The following RAPH1 variants were observed in gnomAD, a reference collection of about 807,000 sequenced individuals.
RAPH1 encodes Ras association (RalGDS/AF-6) and pleckstrin homology domains 1.
A neutral mutation model predicts 88.1 loss-of-function variants in RAPH1; 18 were observed. The ratio of observed to expected loss-of-function variants is 0.20; its 90% CI spans 0.14 to 0.30. The LOEUF is 0.30. Ranked by LOEUF, RAPH1 falls within the 10% of genes least tolerant of loss-of-function variation. The pLI is 1.00. For synonymous variants in RAPH1, 587 were observed against 559.0 expected (o/e 1.05, Z -0.71); for missense variants, 1,448 against 1,543.2 (o/e 0.94, Z 1.03).
intron 1 of RAPH1, among the ~76,000 whole-genome samples, chr2:203,523,689 T>C (rs1439304385): frequency 6.6e-6 from 1 of 152,060 alleles, no homozygotes; most frequent in Non-Finnish European, 1.5e-5. Flanking sequence ...ATATAAAAAC[T>C]TCTGCTCTTT....
intron 13 of RAPH1, chr2:203,443,423 T>C (rs1559445432): frequency 1.3e-5 from 2 of 152,300 alleles, no homozygotes; most frequent in East Asian, 1.9e-4. Context: ...TGATGTCTGA[T>C]AGAAGGCCAT....
intron 4 of RAPH1, among the ~76,000 whole-genome samples, chr2:203,471,205 A>T (rs569833241): frequency 5.9e-5 from 9 of 152,320 alleles, no homozygotes; most frequent in South Asian, 4.1e-4. Context: ...ATCACCATTT[A>T]AAAAAATGTA....
chr2:203,497,027 C>A (rs1214254900), intron 1 of RAPH1, among the ~76,000 whole-genome samples: 1 of 152,146 alleles, frequency 6.6e-6, no homozygotes, highest in Non-Finnish European at 1.5e-5. Flanking sequence ...TTCCAAAACT[C>A]AAGTGTTGCC....
rs767200563 is a variant in RAPH1 at position 203,439,644 on chromosome 2, G to A, written c.3546C>T (p.Gly1182=). ...CTCTGGACATGCGGGAGGAGAGTGA[G>A]CCGTGCCGAGTGATGGACTTTCGTT... ...TLQRKSITRH[G]SLSSRMSRAE... Residue 1182 remains glycine (G), a synonymous_variant, in exon 14 of 14, where the codon GGC becomes GGT. Transcript: ENST00000319170. 3 of 1,614,150 alleles carry A rather than the reference G, an allele frequency of 1.9e-6. No individual in the cohort carries two copies. The highest frequency in any genetic ancestry group is 2.5e-6 in the Non-Finnish European group (3 of 1,180,026).
intron 1 of RAPH1, among the ~76,000 whole-genome samples, chr2:203,517,649 G>T (rs1689677288): frequency 6.6e-6 from 1 of 151,942 alleles, no homozygotes; most frequent in Admixed American, 6.6e-5. Flanking sequence ...TAACATAATA[G>T]AAACCATATA....
At chr2:203,515,032 C>G (rs1689532253) in intron 1 of RAPH1, among the ~76,000 whole-genome samples, 2 of 152,118 alleles carry the variant, frequency 1.3e-5, no homozygotes, top group Admixed American at 6.6e-5. Flanking sequence ...AATCCCCAAC[C>G]CTGTGTGCAT....
intron 13 of RAPH1, chr2:203,442,192 A>T: frequency 8.9e-7 from 1 of 1,118,334 alleles, no homozygotes; most frequent in Non-Finnish European, 1.2e-6. Context: ...GCTAGAATAA[A>T]GAAAATGTAT....
intron 1 of RAPH1, among the ~76,000 whole-genome samples, chr2:203,506,745 T>G (rs190352900): frequency 0.11 from 12,187 of 109,870 alleles, 923 homozygotes; most frequent in East Asian, 0.13. Context: ...TATATATCTA[T>G]ATATATATAT....
chr2:203,500,127 G>A (rs1389370481), intron 1 of RAPH1, among the ~76,000 whole-genome samples: 1 of 152,116 alleles, frequency 6.6e-6, no homozygotes, highest in East Asian at 1.9e-4. Context: ...TGTCCTCAAG[G>A]AACATATAAT....
chr2:203,440,883 G>A lies in RAPH1; in HGVS notation c.2307C>T (p.Ile769=), dbSNP rs199700302. ...GAGCTTGGGGAGGGAGGGGTGCAGG[G>A]ATAGGAGGAGGTGGGGGGGGTGTTG... ...APPTPPPPPP[I]PAPLPPQAPP... The change falls in exon 14 of 14, where the codon ATC becomes ATT. Residue 769 remains isoleucine (I), a synonymous_variant. Transcript: ENST00000319170. 2 of 732,486 alleles carry A rather than the reference G, an allele frequency of 2.7e-6. No homozygotes were observed. The highest frequency in any genetic ancestry group is 5.3e-5 in the East Asian group (1 of 18,974). 45.4% of individuals were successfully genotyped at this position (732,486 alleles called of 1,614,324 possible).
Position 203,437,182 on chromosome 2 carries a change from ATAAAGGCTGT to A in RAPH1, c.*2245_*2254del, listed in dbSNP as rs2098499189. 1.3e-5 allele frequency: 2 copies of A among 152,222 alleles called. No homozygotes were observed. The highest frequency in any genetic ancestry group is 4.1e-4 in the South Asian group (2 of 4,824). 9.4% of individuals were successfully genotyped at this position (152,222 alleles called of 1,614,324 possible). ...TTCCAAGAAATCCTGCACTGAAAAC[ATAAAGGCTGT>A]TGTTTTAGGGCTCAAATCATGGGTG... On this transcript the variant is annotated 3_prime_UTR_variant, in exon 14 of 14. Coordinates refer to ENST00000319170, the MANE Select transcript of RAPH1 (RefSeq NM_213589.3).
intron 1 of RAPH1, among the ~76,000 whole-genome samples, chr2:203,528,311 A>C (rs993827415): frequency 2.6e-5 from 4 of 152,218 alleles, no homozygotes; most frequent in African/African-American, 9.6e-5. Context: ...CTAAGAACAG[A>C]GAAGCCATTT....
At chr2:203,513,008 G>A (rs940180755) in intron 1 of RAPH1, among the ~76,000 whole-genome samples, 1 of 152,126 alleles carries the variant, frequency 6.6e-6, no homozygotes, top group African/African-American at 2.4e-5. Context: ...AAGTGTGAAT[G>A]AGTAAAAACA....
At chr2:203,497,641 T>C (rs1581363863) in intron 1 of RAPH1, among the ~76,000 whole-genome samples, 1 of 152,258 alleles carries the variant, frequency 6.6e-6, no homozygotes, top group East Asian at 1.9e-4. Context: ...CTCTAATAAA[T>C]ATATCTCTAA....
rs148609353 is a variant in RAPH1 at position 203,439,452 on chromosome 2, G to A, written c.3738C>T (p.Leu1246=). ...CCTATGGTGGCTACCAGTCTCTGGA[G>A]AGCTTGGTGTTCTGGTCTCTTTTGG... ...APPKRDQNTK[L]SRDW is the part of the protein sequence containing the mutation. Residue 1246 remains leucine (L), a synonymous_variant, in exon 14 of 14, where the codon CTC becomes CTT. Transcript: ENST00000319170. The A allele has an allele frequency of 1.5e-5, 25 of 1,613,672 alleles. No individual in the cohort carries two copies. The African/African-American group carries it at 3.2e-4, about 21-fold the overall frequency.
intron 1 of RAPH1, among the ~76,000 whole-genome samples, chr2:203,521,204 C>A (rs1689850394): frequency 6.6e-6 from 1 of 152,028 alleles, no homozygotes; most frequent in Non-Finnish European, 1.5e-5. Flanking sequence ...CAGGTAGGTG[C>A]CACCATACCC....
chr2:203,491,044 CAAAA>C (rs1234982757), intron 3 of RAPH1, among the ~76,000 whole-genome samples, 166 bp downstream of exon 3: 1 of 52,760 alleles, frequency 1.9e-5, no homozygotes. Context: ...AACTCTGTCT[CAAAA>C]AAAAAAAAAA....
At chr2:203,443,388 A>G (rs2098506045) in intron 13 of RAPH1, 1 of 152,184 alleles carries the variant, frequency 6.6e-6, no homozygotes, top group Non-Finnish European at 1.5e-5. Context: ...CAGCCAGGAC[A>G]CATCCTTGCC....
chr2:203,444,931 G>A lies in RAPH1; in HGVS notation c.1713C>T (p.Ser571=), dbSNP rs768268456. 7 of 1,614,126 alleles carry A rather than the reference G, an allele frequency of 4.3e-6. No homozygotes were observed. The South Asian group carries it at 5.5e-5, about 13-fold the overall frequency. Residue 571 remains serine, a synonymous_variant, in exon 13 of 14, where the codon AGC becomes AGT. Transcript: ENST00000319170. ...TQPAGHVRSQ[S]IVSSVFSEAW... ...CTTCAGAGAATACGGAGCTCACAAT[G>A]CTCTGGGAACGGACGTGTCCTGCTG...
Sources: gnomAD v4.1 joint callset for allele counts (sites outside exome capture counted in the v4.1 genomes callset) on GRCh38, gnomAD v4.1.1 for gene constraint, MANE v1.5 for transcripts, NCBI Gene and HGNC (gene_info 2026-07-23, HGNC 2026-07-21) for gene names.